Variants in UCK2 observed in about 807,000 individuals in gnomAD.
UCK2 encodes uridine-cytidine kinase 2, also known as cytidine monophosphokinase 2.
UCK2 carries 6 observed loss-of-function variants against 30.8 expected under a neutral mutation model. That is an observed-to-expected ratio of 0.19 (90% CI 0.11 to 0.38). The LOEUF (loss-of-function observed/expected upper bound fraction) is 0.38, where lower values mean the gene tolerates loss of function less well. Ranked by LOEUF, UCK2 falls within the 10% of genes least tolerant of loss-of-function variation. The pLI, the probability that UCK2 is intolerant of heterozygous loss-of-function variation, is 1.00. For synonymous variants in UCK2, 125 were observed against 133.6 expected, an observed-to-expected ratio of 0.94 and a Z score of 0.45; for missense variants, 210 against 339.8, an observed-to-expected ratio of 0.62 and a Z score of 3.00.
chr1:165,898,240 A>G (rs1647334347), intron 4 of UCK2, among the ~76,000 whole-genome samples: 1 of 146,460 alleles, frequency 6.8e-6, no homozygotes, highest in South Asian at 2.1e-4. Flanking sequence ...ACCACTTACT[A>G]GATGTGTGGC....
At chr1:165,842,576 T>C (rs1464512075) in intron 1 of UCK2, among the ~76,000 whole-genome samples, 2 of 152,192 alleles carry the variant, frequency 1.3e-5, no homozygotes, top group Admixed American at 6.5e-5. Flanking sequence ...TCAATCTTGC[T>C]TTCTGAATTT....
chr1:165,863,933 A>T (rs1002737850), intron 1 of UCK2, among the ~76,000 whole-genome samples: 4 of 152,230 alleles, frequency 2.6e-5, no homozygotes, highest in Non-Finnish European at 5.9e-5. Context: ...TGTGTTTTAT[A>T]AAAAGTCATG....
intron 1 of UCK2, among the ~76,000 whole-genome samples, chr1:165,837,479 G>C (rs192567165): frequency 2.3e-4 from 35 of 152,326 alleles, no homozygotes; most frequent in Non-Finnish European, 2.5e-4. Context: ...TAGATTTCCT[G>C]AAGGTCCTGG....
At chr1:165,898,836 CT>C (rs1647359228) in intron 4 of UCK2, among the ~76,000 whole-genome samples, 1 of 152,206 alleles carries the variant, frequency 6.6e-6, no homozygotes, top group East Asian at 1.9e-4. Flanking sequence ...GCCTCTCCGC[CT>C]TCTCTGAACA....
intron 1 of UCK2, among the ~76,000 whole-genome samples, chr1:165,836,467 C>G (rs1654194549): frequency 1.3e-5 from 2 of 152,140 alleles, no homozygotes; most frequent in African/African-American, 4.8e-5. Flanking sequence ...GTCACTTAGA[C>G]TCAGTTTTTA....
chr1:165,857,196 T>TG (rs1268351336), intron 1 of UCK2, among the ~76,000 whole-genome samples: 1 of 152,156 alleles, frequency 6.6e-6, no homozygotes, highest in Non-Finnish European at 1.5e-5. Flanking sequence ...CCCAAGCACA[T>TG]GCAGCTAGCC....
At chr1:165,891,845 T>C (rs1363875665) in intron 3 of UCK2, among the ~76,000 whole-genome samples, 1 of 151,968 alleles carries the variant, frequency 6.6e-6, no homozygotes, top group African/African-American at 2.4e-5. Context: ...ATTTTAGTGC[T>C]CCTGATTAGG....
At chr1:165,850,256 G>A (rs1014046689) in intron 1 of UCK2, among the ~76,000 whole-genome samples, 3 of 150,936 alleles carry the variant, frequency 2.0e-5, no homozygotes, top group Admixed American at 6.6e-5. Flanking sequence ...TCAGCCTCCC[G>A]AGAAGCTGGG....
intron 4 of UCK2, among the ~76,000 whole-genome samples, chr1:165,901,935 C>G (rs1647484316): frequency 7.2e-6 from 1 of 139,594 alleles, no homozygotes; most frequent in Admixed American, 7.2e-5. Context: ...CAAAGCAAGA[C>G]CCCGTGTCTA....
At chr1:165,870,190 G>A (rs952661752) in intron 1 of UCK2, among the ~76,000 whole-genome samples, 2 of 138,180 alleles carry the variant, frequency 1.4e-5, no homozygotes, top group African/African-American at 5.4e-5. Flanking sequence ...AGTAAGGAAA[G>A]GTCTAACTTC....
chr1:165,847,003 T>C (rs527458269), intron 1 of UCK2, among the ~76,000 whole-genome samples: 5 of 152,024 alleles, frequency 3.3e-5, no homozygotes, highest in African/African-American at 1.2e-4. Flanking sequence ...TCATGTAGAG[T>C]GGAGATAGCT....
chr1:165,837,997 A>G (rs1571263977), intron 1 of UCK2, among the ~76,000 whole-genome samples: 1 of 152,228 alleles, frequency 6.6e-6, no homozygotes, highest in Non-Finnish European at 1.5e-5. Context: ...CTTATGAAGA[A>G]TGGGCTGGTA....
At chr1:165,873,128 C>A (rs1311289533) in intron 1 of UCK2, among the ~76,000 whole-genome samples, 1 of 151,938 alleles carries the variant, frequency 6.6e-6, no homozygotes, top group East Asian at 1.9e-4. Flanking sequence ...AAAAGAAAAC[C>A]AAAAAAACCC....
chr1:165,848,367 T>TA (rs1654502349), intron 1 of UCK2, among the ~76,000 whole-genome samples: 1 of 152,112 alleles, frequency 6.6e-6, no homozygotes, highest in African/African-American at 2.4e-5. Context: ...TGTGGTGGCT[T>TA]ACGCCTGTAA....
chr1:165,906,539 A>G (rs950133104), intron 6 of UCK2, among the ~76,000 whole-genome samples: 1 of 152,116 alleles, frequency 6.6e-6, no homozygotes, highest in African/African-American at 2.4e-5. Flanking sequence ...ACTAATTTTA[A>G]AAAAGTGTTT....
chr1:165,901,945 A>AC (rs1647484757), intron 4 of UCK2, among the ~76,000 whole-genome samples: 2 of 83,536 alleles, frequency 2.4e-5, no homozygotes, highest in African/African-American at 1.1e-4. Context: ...CCCCGTGTCT[A>AC]CCAAAAAAAA....
chr1:165,877,036 G>A (rs1008018411), intron 1 of UCK2, among the ~76,000 whole-genome samples: 2 of 152,086 alleles, frequency 1.3e-5, no homozygotes, highest in African/African-American at 4.8e-5. Context: ...TTTGAGGTTG[G>A]GGGAGTTAGA....
intron 1 of UCK2, among the ~76,000 whole-genome samples, chr1:165,840,218 C>T (rs1201579560): frequency 6.6e-6 from 1 of 152,258 alleles, no homozygotes; most frequent in Non-Finnish European, 1.5e-5. Flanking sequence ...TGTGCCCGGC[C>T]TGGTCAGCCT....
chr1:165,895,374 C>T (rs895181689), intron 3 of UCK2: 10 of 630,856 alleles, frequency 1.6e-5, no homozygotes, highest in East Asian at 1.4e-4. Flanking sequence ...AAGATTGCGC[C>T]GCTGCACTCC....
Sources: allele counts gnomAD v4.1 joint callset (sites outside exome capture counted in the v4.1 genomes callset), GRCh38; gene constraint gnomAD v4.1.1; transcripts MANE v1.5; gene names NCBI Gene and HGNC (gene_info 2026-07-23, HGNC 2026-07-21).